Variants in SLCO3A1 observed in about 807,000 individuals in gnomAD.
SLCO3A1 encodes solute carrier organic anion transporter family member 3A1, also known as PGE1 transporter.
A neutral mutation model predicts 63.1 loss-of-function variants in SLCO3A1; 27 were observed. That is an observed-to-expected ratio of 0.43 (90% CI 0.32 to 0.59). The LOEUF is 0.59. Ranked by LOEUF, SLCO3A1 falls within the 20% of genes least tolerant of loss-of-function variation. The pLI is 0.09. For synonymous variants in SLCO3A1, 473 were observed against 409.9 expected, an observed-to-expected ratio of 1.15 and a Z score of -1.86; for missense variants, 773 against 945.8, an observed-to-expected ratio of 0.82 and a Z score of 2.40.
chr15:92,071,811 G>A (rs552667720), intron 2 of SLCO3A1, among the ~76,000 whole-genome samples: 1 of 152,344 alleles, frequency 6.6e-6, no homozygotes, highest in South Asian at 2.1e-4. Context: ...ATCACAGGCG[G>A]CTGTGTCTGT....
intron 2 of SLCO3A1, among the ~76,000 whole-genome samples, chr15:91,956,793 T>TTTTTTC (rs1900195300): frequency 7.1e-6 from 1 of 140,370 alleles, no homozygotes; most frequent in Admixed American, 7.5e-5. Context: ...TTTTTTTTTT[T>TTTTTTC]TTTTTCTTTT....
chr15:91,955,942 A>G (rs1371234749), intron 2 of SLCO3A1, among the ~76,000 whole-genome samples: 2 of 152,156 alleles, frequency 1.3e-5, no homozygotes, highest in Non-Finnish European at 2.9e-5. Flanking sequence ...TGAATATGCC[A>G]ACAGAAGGTA....
intron 2 of SLCO3A1, among the ~76,000 whole-genome samples, chr15:91,963,408 T>TGGG (rs67196103): frequency 8.7e-5 from 2 of 22,940 alleles, no homozygotes; most frequent in African/African-American, 6.0e-4. Context: ...TCGGGGAGGG[T>TGGG]GGGGGGGGGG....
chr15:91,873,531 T>TAC (rs71912147), intron 1 of SLCO3A1, among the ~76,000 whole-genome samples: 6,642 of 146,664 alleles, frequency 0.045, 267 homozygotes, highest in African/African-American at 0.11. Flanking sequence ...GCTACATTCA[T>TAC]ACACACACAC....
At chr15:92,065,793 A>G (rs1477462553) in intron 2 of SLCO3A1, among the ~76,000 whole-genome samples, 1 of 152,218 alleles carries the variant, frequency 6.6e-6, no homozygotes. Context: ...GAGTTGCACA[A>G]CCATCACCAC....
rs1173801741 is a variant in SLCO3A1, at chr15:92,032,789, C to CAT, written c.647-62091_647-62090dup. The stretch of plus-strand genomic sequence containing the variant: ...GTGAGGAGACAGCTTTGAGGAGCAT[C>CAT]ATGGAAGCAGTACTAAAAAGATTTG... On this transcript the variant is annotated intron_variant, in intron 2 of 9. Transcript: ENST00000318445. Among the ~76,000 whole-genome samples the CAT allele has an allele frequency of 2.6e-5, 4 of 152,188 alleles. No homozygotes were observed. The East Asian group carries it at 7.8e-4, about 30-fold the overall frequency.
At chr15:92,171,573 T>G (rs888882473) in intron 10 of SLCO3A1, 23 of 534,718 alleles carry the variant, frequency 4.3e-5, no homozygotes, top group Non-Finnish European at 2.0e-5. Context: ...GAAAGGATAT[T>G]TGGCCTTCAA....
At position 92,120,485 on chromosome 15, in the gene SLCO3A1, C is replaced by T. The variant is rs757423827; in HGVS notation, c.1030C>T (p.His344Tyr). 6.2e-7 allele frequency: 1 copy of T among 1,614,110 alleles called. No individual in the cohort carries two copies. Among genetic ancestry groups the T allele is most frequent in the South Asian group, 1.1e-5 (1 of 91,078 alleles). Reference sequence around the variant, plus strand: ...TGCAGTGATCCCGAAGGTCACCAAGCACCTGCTCTCAAACCCTGTGTTCAC... The same window carrying T: ...TGCAGTGATCCCGAAGGTCACCAAGTACCTGCTCTCAAACCCTGTGTTCAC... Reference protein sequence around the residue: ...QLRVIPKVTKHLLSNPVFTCI... With the variant: ...QLRVIPKVTKYLLSNPVFTCI... Residue 344 changes from histidine (H) to tyrosine (Y), a missense_variant, in exon 5 of 10, where the codon CAC becomes TAC. Coordinates refer to ENST00000318445, the MANE Select transcript of SLCO3A1 (RefSeq NM_013272.4).
chr15:91,957,842 T>C (rs9635404), intron 2 of SLCO3A1, among the ~76,000 whole-genome samples: 99,020 of 152,054 alleles, frequency 0.65, 33,356 homozygotes, highest in African/African-American at 0.83. Context: ...AATGTAAGCA[T>C]CATAAAGACG....
chr15:92,024,637 A>G (rs553848042), intron 2 of SLCO3A1, among the ~76,000 whole-genome samples: 1 of 152,356 alleles, frequency 6.6e-6, no homozygotes, highest in East Asian at 1.9e-4. Context: ...GGCAAAGTCA[A>G]AATCTTCATG....
chr15:91,964,746 T>G (rs945979027), intron 2 of SLCO3A1, among the ~76,000 whole-genome samples: 1 of 144,066 alleles, frequency 6.9e-6, no homozygotes, highest in Non-Finnish European at 1.5e-5. Context: ...TTAGATAGTT[T>G]TTTTTTTTTT....
chr15:92,064,186 G>T (rs1452987588), intron 2 of SLCO3A1, among the ~76,000 whole-genome samples: 2 of 152,218 alleles, frequency 1.3e-5, no homozygotes, highest in Non-Finnish European at 2.9e-5. Context: ...TGGCTTCGAG[G>T]TCCTCCCCTT....
intron 7 of SLCO3A1, 152 bp downstream of exon 7, chr15:92,128,641 G>C: frequency 1.5e-6 from 1 of 680,588 alleles, no homozygotes; most frequent in Non-Finnish European, 2.4e-6. Context: ...CAGGATGAGA[G>C]GACTGATTCA....
At chr15:91,891,440 C>A (rs371333687) in intron 1 of SLCO3A1, among the ~76,000 whole-genome samples, 1 of 152,154 alleles carries the variant, frequency 6.6e-6, no homozygotes, top group Admixed American at 6.5e-5. Context: ...TCAGAACCTC[C>A]CATAGGGTCA....
intron 2 of SLCO3A1, among the ~76,000 whole-genome samples, chr15:92,019,174 A>G (rs1022402113): frequency 2.0e-5 from 3 of 152,114 alleles, no homozygotes; most frequent in African/African-American, 7.2e-5. Flanking sequence ...TTGTGCAGGC[A>G]GAGGTTGTGT....
At chr15:91,879,594 A>G (rs554838276) in intron 1 of SLCO3A1, among the ~76,000 whole-genome samples, 6 of 152,312 alleles carry the variant, frequency 3.9e-5, no homozygotes, top group African/African-American at 1.4e-4. Context: ...AAACTAAGAA[A>G]AATACGAAGA....
chr15:91,887,950 G>T (rs1897768622), intron 1 of SLCO3A1, among the ~76,000 whole-genome samples: 1 of 152,204 alleles, frequency 6.6e-6, no homozygotes, highest in Non-Finnish European at 1.5e-5. Flanking sequence ...TATGTGCTGA[G>T]TACATAATTA....
rs1236398656 is a variant in SLCO3A1 at position 91,885,256 on chromosome 15, C to T, written c.181-30737C>T. Among the ~76,000 whole-genome samples, 1 of 152,164 alleles carries T rather than the reference C, an allele frequency of 6.6e-6. No individual in the cohort carries two copies. The highest frequency in any genetic ancestry group is 1.5e-5 in the Non-Finnish European group (1 of 68,022). On this transcript the variant is annotated intron_variant, in intron 1 of 9. Coordinates refer to ENST00000318445, the MANE Select transcript of SLCO3A1 (RefSeq NM_013272.4). This position sits in a 1 kb window ranked among gnomAD's most constrained non-coding sequence, Gnocchi z 4.7. ...CCCCACCCCTGGCTGGGCCTTTTCT[C>T]ACCATCTTCCTTCTCCAGGGCTACC...
chr15:91,992,611 G>A (rs140788045), intron 2 of SLCO3A1, among the ~76,000 whole-genome samples: 2,640 of 152,258 alleles, frequency 0.017, 39 homozygotes, highest in Non-Finnish European at 0.023. Context: ...TTGTGCTGTC[G>A]CTAGGCCTCT....
Sources: allele counts gnomAD v4.1 joint callset (sites outside exome capture counted in the v4.1 genomes callset), GRCh38; gene constraint gnomAD v4.1.1; non-coding constraint Gnocchi (gnomAD v3.1); transcripts MANE v1.5; gene names NCBI Gene and HGNC (gene_info 2026-07-23, HGNC 2026-07-21).